SUCLG2: variants seen among roughly 807,000 people sequenced by gnomAD.
SUCLG2 encodes the protein succinate-CoA ligase GDP-forming subunit beta.
A neutral mutation model predicts 47.9 loss-of-function variants in SUCLG2; 42 were observed. That is an observed-to-expected ratio of 0.88 (90% CI 0.69 to 1.14). The LOEUF (loss-of-function observed/expected upper bound fraction) is 1.14. Among genes scored for constraint, SUCLG2 ranks in the 50% most tolerant of loss-of-function variants. The probability of loss-of-function intolerance (pLI) is 0.00; values close to 1 mark genes in which losing one functional copy is unlikely to be tolerated. For missense variants in SUCLG2, 571 were observed against 525.9 expected (o/e 1.09, Z -0.84); for synonymous variants, 195 against 197.3 (o/e 0.99, Z 0.10).
chr3:67,402,073 A>T (rs1186869833), intron 9 of SUCLG2, among the ~76,000 whole-genome samples: 1 of 152,138 alleles, frequency 6.6e-6, no homozygotes, highest in Non-Finnish European at 1.5e-5. Context: ...CCAGCTCCCT[A>T]GATTGTCTAC....
At chr3:67,392,068 CTCT>C (rs1553639691) in intron 10 of SUCLG2, among the ~76,000 whole-genome samples, 1 of 152,080 alleles carries the variant, frequency 6.6e-6, no homozygotes, top group Non-Finnish European at 1.5e-5. Context: ...ATTGTCCTTT[CTCT>C]TCTTACTCTC....
In SUCLG2 at chr3:67,498,221, C is replaced by T. The variant is rs200619917; in HGVS notation, c.832G>A (p.Asp278Asn). 2.7e-4 allele frequency: 431 copies of T among 1,613,814 alleles called. No homozygotes were observed. Among genetic ancestry groups the T allele is most frequent in the South Asian group, 4.1e-4 (37 of 91,056 alleles). ...FRQKDIFAMD[D>N]KSENEPIENE... ...TCAATGGGCTCATTCTCTGATTTGT[C>T]GTCCATAGCAAATATGTCTTTTTGT... The change falls in exon 8 of 11, where the codon GAC becomes AAC. Residue 278 changes from aspartate (D) to asparagine (N), a missense_variant. By Grantham distance (23) the Asp-to-Asn change is conservative. Coordinates refer to ENST00000307227, the MANE Select transcript of SUCLG2 (RefSeq NM_003848.4).
chr3:67,598,565 C>T (rs1157575899), intron 2 of SUCLG2, among the ~76,000 whole-genome samples: 2 of 152,136 alleles, frequency 1.3e-5, no homozygotes, highest in Non-Finnish European at 2.9e-5. Flanking sequence ...ACAGAAACAC[C>T]TATACTTTAT....
rs117865610 is a variant in SUCLG2, at chr3:67,423,116, C to T, written c.1063-22265G>A. 4.3e-4 allele frequency among the ~76,000 whole-genome samples: 66 copies of T among 152,234 alleles called. No individual in the cohort carries two copies. The East Asian group carries it at 8.9e-3, about 21-fold the overall frequency. ...TCACCTTGCACTGTAATAATGCCCA[C>T]GTATCAAGGTTGGGACCAGGTGGAT... is the stretch of plus-strand genomic sequence containing the variant. On this transcript the variant is annotated intron_variant, in intron 9 of 10. Coordinates refer to ENST00000307227, the MANE Select transcript of SUCLG2 (RefSeq NM_003848.4).
chr3:67,392,961 T>G (rs565000144), intron 10 of SUCLG2, among the ~76,000 whole-genome samples: 1 of 151,872 alleles, frequency 6.6e-6, no homozygotes, highest in South Asian at 2.1e-4. Flanking sequence ...ACTAGAGGCA[T>G]GCATCACTAC....
chr3:67,507,720 T>C (rs765629939), intron 7 of SUCLG2, among the ~76,000 whole-genome samples: 2 of 152,234 alleles, frequency 1.3e-5, no homozygotes, highest in African/African-American at 4.8e-5. Context: ...TCATCCGTCT[T>C]GGTCCAAAAG....
At chr3:67,609,345 C>T in intron 2 of SUCLG2, 110 bp downstream of exon 2, 1 of 1,294,788 alleles carries the variant, frequency 7.7e-7, no homozygotes, top group Non-Finnish European at 1.1e-6. Flanking sequence ...TCCCCTGTAT[C>T]TGTCCCTGTC....
intron 2 of SUCLG2, among the ~76,000 whole-genome samples, chr3:67,567,197 A>G (rs1707474499): frequency 6.6e-6 from 1 of 152,162 alleles, no homozygotes; most frequent in Admixed American, 6.5e-5. Context: ...GAAAAAAAAA[A>G]GGTGGGAGGA....
At chr3:67,471,964 C>T (rs1420134852) in intron 9 of SUCLG2, among the ~76,000 whole-genome samples, 1 of 106,648 alleles carries the variant, frequency 9.4e-6, no homozygotes, top group East Asian at 2.2e-4. Context: ...TATGCATACA[C>T]CTTCCTATGT....
intron 10 of SUCLG2, 67 bp from the exon 11 acceptor site, chr3:67,375,926 G>A (rs1235078345): frequency 6.4e-6 from 10 of 1,564,072 alleles, no homozygotes; most frequent in Admixed American, 3.8e-5. Context: ...GTTTGCACAA[G>A]GACACACAAG....
chr3:67,471,265 C>A (rs1296306018), intron 9 of SUCLG2, among the ~76,000 whole-genome samples: 1 of 152,154 alleles, frequency 6.6e-6, no homozygotes, highest in African/African-American at 2.4e-5. Flanking sequence ...ATGAGGCTGC[C>A]ACACAAGGGT....
rs1488992914 is a variant in SUCLG2, at chr3:67,374,982, T to C, written c.*762A>G. ...GTTGTCTCATCTTGAAATATCTTAA[T>C]AACAGAGATTTCCATAAGAATCAGG... On this transcript the variant is annotated 3_prime_UTR_variant, in exon 11 of 11. Coordinates refer to ENST00000307227, the MANE Select transcript of SUCLG2 (RefSeq NM_003848.4). The C allele has an allele frequency of 3.0e-6, 3 of 985,674 alleles. No homozygotes were observed. The allele number at this position is 985,674 out of a possible 1,614,324, so 61.1% of individuals were successfully genotyped here.
chr3:67,569,416 AC>A (rs771618758), intron 2 of SUCLG2, among the ~76,000 whole-genome samples: 16 of 151,836 alleles, frequency 1.1e-4, no homozygotes, highest in Non-Finnish European at 2.1e-4. Context: ...TCTCACCTGG[AC>A]TCTTAGGGGC....
chr3:67,385,328 G>A (rs1231494203), intron 10 of SUCLG2, among the ~76,000 whole-genome samples: 1 of 152,202 alleles, frequency 6.6e-6, no homozygotes, highest in African/African-American at 2.4e-5. Context: ...TGCCTAGAGT[G>A]GGGCAGCTAC....
chr3:67,431,460 T>G (rs1189481732), intron 9 of SUCLG2, among the ~76,000 whole-genome samples: 2 of 152,012 alleles, frequency 1.3e-5, no homozygotes, highest in Non-Finnish European at 2.9e-5. Flanking sequence ...GTGACACTAT[T>G]CACAATAGCA....
intron 1 of SUCLG2, among the ~76,000 whole-genome samples, chr3:67,638,014 G>C (rs967602416): frequency 6.6e-6 from 1 of 152,152 alleles, no homozygotes; most frequent in African/African-American, 2.4e-5. Flanking sequence ...ATAATTACAT[G>C]TTAAACTACA....
intron 9 of SUCLG2, among the ~76,000 whole-genome samples, chr3:67,430,041 C>G (rs1361052852): frequency 6.6e-6 from 1 of 152,068 alleles, no homozygotes; most frequent in African/African-American, 2.4e-5. Flanking sequence ...GACAGATCAA[C>G]GAGAGGGAAA....
At position 67,437,643 on chromosome 3, in the gene SUCLG2, TA is replaced by T. The variant is rs1483943624; in HGVS notation, c.1063-36793del. On this transcript the variant is annotated intron_variant, in intron 9 of 10. Coordinates refer to ENST00000307227, the MANE Select transcript of SUCLG2 (RefSeq NM_003848.4). ...CTTTATTATAAGGGTAAATTTCTTC[TA>T]TTTTTTTTTAAAAGAAGAGGCTTTT... is the stretch of plus-strand genomic sequence containing the variant. Among the ~76,000 whole-genome samples, 5 of 152,256 alleles carry T rather than the reference TA, an allele frequency of 3.3e-5. No individual in the cohort carries two copies. The East Asian group carries it at 7.7e-4, about 23-fold the overall frequency.
chr3:67,539,224 A>G (rs1706631798), intron 2 of SUCLG2, among the ~76,000 whole-genome samples: 1 of 152,142 alleles, frequency 6.6e-6, no homozygotes, highest in African/African-American at 2.4e-5. Flanking sequence ...TTATTTTGAG[A>G]TATGTTCCAT....
Sources: allele counts gnomAD v4.1 joint callset (sites outside exome capture counted in the v4.1 genomes callset), GRCh38; gene constraint gnomAD v4.1.1; transcripts MANE v1.5; gene names NCBI Gene and HGNC (gene_info 2026-07-23, HGNC 2026-07-21).